The following ZC3H18 variants were observed in gnomAD, a reference collection of about 807,000 sequenced individuals.
ZC3H18 encodes zinc finger CCCH-type containing 18, also known as zinc finger CCCH domain-containing protein 18.
In ZC3H18, 8 loss-of-function variants were observed where a neutral mutation model predicts 106.1. The observed-to-expected ratio is 0.08, with a 90% confidence interval of 0.04 to 0.14. The LOEUF (loss-of-function observed/expected upper bound fraction) is 0.14, where lower values mean the gene tolerates loss of function less well. Among genes scored for constraint, ZC3H18 ranks in the 10% least tolerant of loss-of-function variants. The pLI is 1.00. For synonymous variants in ZC3H18, 635 were observed against 522.1 expected, an observed-to-expected ratio of 1.22 and a Z score of -2.95; for missense variants, 1,318 against 1,278.4, an observed-to-expected ratio of 1.03 and a Z score of -0.47.
chr16:88,617,602 C>G (rs1905702363), intron 8 of ZC3H18, among the ~76,000 whole-genome samples: 1 of 152,208 alleles, frequency 6.6e-6, no homozygotes, highest in South Asian at 2.1e-4. Flanking sequence ...CTGCTGTCTC[C>G]AAGCTATTCA....
chr16:88,618,598 G>A (rs1294635393), intron 8 of ZC3H18, among the ~76,000 whole-genome samples: 1 of 152,244 alleles, frequency 6.6e-6, no homozygotes, highest in Non-Finnish European at 1.5e-5. Flanking sequence ...TGAGGCATGA[G>A]CTATGAGTGT....
intron 8 of ZC3H18, among the ~76,000 whole-genome samples, chr16:88,621,277 T>C (rs1262385775): frequency 6.7e-6 from 1 of 149,090 alleles, no homozygotes; most frequent in East Asian, 2.0e-4. Flanking sequence ...CAGGCTGGAG[T>C]GCAATGGCGC....
intron 7 of ZC3H18, among the ~76,000 whole-genome samples, chr16:88,610,742 T>C (rs761131468): frequency 3.9e-5 from 6 of 152,102 alleles, no homozygotes; most frequent in Non-Finnish European, 5.9e-5. Context: ...GGAGCAGTCT[T>C]TTGGGTGCCT....
chr16:88,631,030 A>G, intron 17 of ZC3H18, 71 bp from the exon 18 acceptor site: 1 of 1,589,470 alleles, frequency 6.3e-7, no homozygotes, highest in South Asian at 1.1e-5. Context: ...AAGCGCCCCT[A>G]CGGGGAGGTC....
At chr16:88,592,810 C>G (rs1349574579) in intron 3 of ZC3H18, among the ~76,000 whole-genome samples, 6 of 152,222 alleles carry the variant, frequency 3.9e-5, no homozygotes, top group Non-Finnish European at 8.8e-5. Flanking sequence ...TCGAATGCCA[C>G]TTTACTTCAT....
chr16:88,623,435 C>G (rs542361473), intron 10 of ZC3H18, 91 bp downstream of exon 10: 2 of 1,529,416 alleles, frequency 1.3e-6, no homozygotes, highest in East Asian at 4.5e-5. Context: ...CCAGTAGCCC[C>G]TTGGGGTATT....
intron 3 of ZC3H18, chr16:88,587,650 T>TA (rs1915514060): frequency 1.3e-6 from 2 of 1,508,702 alleles, no homozygotes; most frequent in Middle Eastern, 1.7e-4. Context: ...TTCAGTACCT[T>TA]AAAGTCCCCC....
chr16:88,609,093 G>A (rs1033831372), intron 7 of ZC3H18, 42 bp downstream of exon 7: 3 of 1,468,056 alleles, frequency 2.0e-6, no homozygotes, highest in South Asian at 2.4e-5. Context: ...TTCATGATCT[G>A]TTCATTCAAG....
At chr16:88,625,121 C>G in intron 12 of ZC3H18, 81 bp from the exon 13 acceptor site, 4 of 1,503,762 alleles carry the variant, frequency 2.7e-6, no homozygotes, top group Non-Finnish European at 3.6e-6. Flanking sequence ...GCTCACCTCA[C>G]AGGGCTGCTG....
intron 1 of ZC3H18, among the ~76,000 whole-genome samples, chr16:88,576,818 G>A (rs1455781202): frequency 6.6e-6 from 1 of 152,186 alleles, no homozygotes; most frequent in Non-Finnish European, 1.5e-5. Context: ...ACTCGTGTGG[G>A]CTGCCCTTGA....
rs1904744406 is a variant in ZC3H18 at position 88,601,401 on chromosome 16, G to A, written c.1088+1453G>A. ...GTCTCTATAAATATGTGTGGGGAAGGATGGATTTTAGAACCTGGGCGTGAT... is the reference window on the plus strand; with the variant it reads ...GTCTCTATAAATATGTGTGGGGAAGAATGGATTTTAGAACCTGGGCGTGAT... On this transcript the variant is annotated intron_variant, in intron 6 of 17. Coordinates refer to ENST00000301011, the MANE Select transcript of ZC3H18 (RefSeq NM_144604.4). Among the ~76,000 whole-genome samples, 2 of 152,160 alleles carry A rather than the reference G, an allele frequency of 1.3e-5. 1 individual carries two copies. Among genetic ancestry groups the A allele is most frequent in the East Asian group, 3.9e-4 (2 of 5,190 alleles).
At chr16:88,622,537 G>A (rs1307864662) in intron 9 of ZC3H18, 149 bp downstream of exon 9, 14 of 844,260 alleles carry the variant, frequency 1.7e-5, no homozygotes, top group South Asian at 7.6e-5. Context: ...GGACTAACCC[G>A]GCGTTTATAC....
chr16:88,607,074 G>GC (rs922892422), intron 6 of ZC3H18, among the ~76,000 whole-genome samples: 39 of 151,784 alleles, frequency 2.6e-4, no homozygotes, highest in Admixed American at 1.1e-3. Context: ...TTTAGAGCAG[G>GC]CCCCCCCCAA....
chr16:88,603,153 G>A (rs996391744), intron 6 of ZC3H18, among the ~76,000 whole-genome samples: 4 of 151,782 alleles, frequency 2.6e-5, no homozygotes, highest in Admixed American at 6.6e-5. Flanking sequence ...TTTTAGTAGA[G>A]ACAGGGTTTC....
At chr16:88,615,584 CAG>C (rs1384648662) in intron 8 of ZC3H18, among the ~76,000 whole-genome samples, 1 of 152,242 alleles carries the variant, frequency 6.6e-6, no homozygotes, top group Non-Finnish European at 1.5e-5. Context: ...TTTCTACAAA[CAG>C]AACCAGCTGA....
At chr16:88,602,749 G>A (rs1056634363) in intron 6 of ZC3H18, among the ~76,000 whole-genome samples, 2 of 152,164 alleles carry the variant, frequency 1.3e-5, no homozygotes, top group African/African-American at 4.8e-5. Context: ...CTGGACTCAA[G>A]CAATCCTCGC....
intron 2 of ZC3H18, among the ~76,000 whole-genome samples, chr16:88,583,137 C>T (rs770899306): frequency 1.3e-5 from 2 of 152,228 alleles, no homozygotes; most frequent in Non-Finnish European, 2.9e-5. Context: ...CGCAGTGGCC[C>T]CCTTTCCTTA....
intron 3 of ZC3H18, 79 bp downstream of exon 3, chr16:88,586,763 C>T (rs903967617): frequency 1.3e-5 from 15 of 1,161,764 alleles, no homozygotes; most frequent in East Asian, 2.4e-5. Context: ...CTCACCTTGC[C>T]AGGCCCTGCT....
intron 8 of ZC3H18, among the ~76,000 whole-genome samples, chr16:88,621,288 G>A (rs551042951): frequency 2.7e-5 from 4 of 149,734 alleles, no homozygotes; most frequent in South Asian, 4.2e-4. Flanking sequence ...GCAATGGCGC[G>A]ATCTCGGCTC....
Sources: allele counts gnomAD v4.1 joint callset (sites outside exome capture counted in the v4.1 genomes callset), GRCh38; gene constraint gnomAD v4.1.1; transcripts MANE v1.5; gene names NCBI Gene and HGNC (gene_info 2026-07-23, HGNC 2026-07-21).